The following PSG8 variants were observed in gnomAD, a reference collection of about 807,000 sequenced individuals.
PSG8 encodes pregnancy-specific beta-1-glycoprotein 8.
PSG8 carries 57 observed loss-of-function variants against 42.5 expected under a neutral mutation model. The observed-to-expected ratio is 1.34, with a 90% CI of 1.08 to 1.67. PSG8 has a LOEUF of 1.67. Among genes scored for constraint, PSG8 ranks in the 40% most tolerant of loss-of-function variants. PSG8 has a pLI of 0.00. For missense variants in PSG8, 783 were observed against 518.6 expected (o/e 1.51, Z -4.95); for synonymous variants, 280 against 196.8 (o/e 1.42, Z -3.54).
At position 42,758,067 on chromosome 19, in the gene PSG8, T is replaced by A. The variant is rs1435477209; in HGVS notation, c.644A>T (p.Tyr215Phe). Residue 215 changes from tyrosine to phenylalanine, a missense_variant, in exon 3 of 5, where the codon TAT (tyrosine) becomes TTT (phenylalanine). Tyr to Phe is a conservative substitution (Grantham distance 22, BLOSUM62 3). Coordinates refer to ENST00000306511, the MANE Select transcript of PSG8 (RefSeq NM_182707.3). ...CACTGGGTTCCGTATTTCACATTCATAGGGTCCTGCAGTGTACTTTGTGAC... is the reference window on the plus strand; with the variant it reads ...CACTGGGTTCCGTATTTCACATTCAAAGGGTCCTGCAGTGTACTTTGTGAC... ...LGVTKYTAGP[Y>F]ECEIRNPVSA... The A allele has an allele frequency of 6.2e-7, 1 of 1,613,934 alleles. No individual in the cohort carries two copies. Among genetic ancestry groups the A allele is most frequent in the Admixed American group, 1.7e-5 (1 of 59,994 alleles).
chr19:42,755,955 C>T lies in PSG8; in HGVS notation c.710-689G>A, dbSNP rs567852444. 12 of 154,220 alleles carry T rather than the reference C, an allele frequency of 7.8e-5. No homozygotes were observed. In the South Asian group the frequency reaches 2.5e-3, roughly 32 times the overall value. The allele number at this position is 154,220 out of a possible 1,614,324, so 9.6% of individuals were successfully genotyped here. Reference sequence around the variant, plus strand: ...AATGATCTAGAAAGAGTGAAGGCGACAGGCAAGAGCTGGTGGCTTTGGAGC... The same window carrying T: ...AATGATCTAGAAAGAGTGAAGGCGATAGGCAAGAGCTGGTGGCTTTGGAGC... On this transcript the variant is annotated intron_variant, in intron 3 of 4. Transcript: ENST00000306511.
intron 1 of PSG8, among the ~76,000 whole-genome samples, chr19:42,765,094 C>G (rs1970182269): frequency 1.3e-5 from 2 of 151,922 alleles, no homozygotes; most frequent in African/African-American, 4.8e-5. Flanking sequence ...CCCTGTCCCT[C>G]TCTGGTGTAT....
In PSG8 at chr19:42,757,999, C is replaced by T. The variant is rs370924021; in HGVS notation, c.709+3G>A. 86 of 1,613,864 alleles carry T rather than the reference C, an allele frequency of 5.3e-5. 1 individual carries two copies. The East Asian group carries it at 1.0e-3, about 20-fold the overall frequency. ...GGCTCACAGAGGAACAGAAAATACT[C>T]ACGGAGGAGATTCAGGGTGAATGGG... On this transcript the variant is annotated splice_donor_region_variant and intron_variant, in intron 3 of 4. Coordinates refer to ENST00000306511, the MANE Select transcript of PSG8 (RefSeq NM_182707.3).
Position 42,754,586 on chromosome 19 carries a change from A to G in PSG8, c.990T>C (p.Tyr330=), listed in dbSNP as rs1224989568. Residue 330 remains tyrosine (Y), a splice_region_variant and synonymous_variant, in exon 5 of 5, where the codon TAT becomes TAC. Transcript: ENST00000306511. ...RSYPVTLNVL[Y]GPDLPRIYPS... is the part of the protein sequence containing the mutation. ...GGTAAATTCTGGGGAGGTCTGGACC[A>G]TCTGGAGCAAAGAGAATAAAGCCAC... 1 of 1,610,760 alleles carries G rather than the reference A, an allele frequency of 6.2e-7. No homozygotes were observed. The highest frequency in any genetic ancestry group is 2.2e-5 in the East Asian group (1 of 44,826).
chr19:42,754,890 T>G (rs1355122226), intron 4 of PSG8, 98 bp downstream of exon 4: 2 of 1,565,662 alleles, frequency 1.3e-6, no homozygotes, highest in African/African-American at 2.7e-5. Context: ...GAAGTGAAGG[T>G]GTCTATACTT....
downstream of PSG8, chr19:42,754,141 T>G (rs1247753068): frequency 3.2e-5 from 45 of 1,409,306 alleles, 2 homozygotes; most frequent in Middle Eastern, 2.6e-4. Flanking sequence ...GGGAATTTTA[T>G]GAAGATATCA....
chr19:42,761,451 T>C (rs1970071078), intron 2 of PSG8, among the ~76,000 whole-genome samples: 1 of 152,190 alleles, frequency 6.6e-6, no homozygotes. Flanking sequence ...TGTAACTAAT[T>C]GCTCCTATAG....
In PSG8 at chr19:42,765,652, C is replaced by T. The variant is rs1970201016; in HGVS notation, c.-71G>A. The T allele has an allele frequency of 6.4e-7, 1 of 1,571,840 alleles. No individual in the cohort carries two copies. On this transcript the variant is annotated 5_prime_UTR_variant, in exon 1 of 5. Coordinates refer to ENST00000306511, the MANE Select transcript of PSG8 (RefSeq NM_182707.3). Reference sequence around the variant, plus strand: ...ATCCAGAAGCTTCCTGAGCACAGCTCTCAGCAGTGCTGTCCTGCCTCCTTC... The same window carrying T: ...ATCCAGAAGCTTCCTGAGCACAGCTTTCAGCAGTGCTGTCCTGCCTCCTTC...
At chr19:42,754,190 T>A (rs73547157), downstream of PSG8, 85,273 of 1,531,512 alleles carry the variant, frequency 0.056, 3,012 homozygotes, top group Admixed American at 0.12. Flanking sequence ...TAGACAAATT[T>A]GGAGGGTTTA....
At chr19:42,755,839 A>G (rs1969911094) in intron 3 of PSG8, 1 of 157,858 alleles carries the variant, frequency 6.3e-6, no homozygotes, top group Admixed American at 5.9e-5. Context: ...GTCATCAGGC[A>G]GTGGAGGCTC....
chr19:42,759,166 G>A (rs1159339848), intron 2 of PSG8, among the ~76,000 whole-genome samples: 2 of 152,058 alleles, frequency 1.3e-5, no homozygotes, highest in African/African-American at 4.8e-5. Flanking sequence ...TATGTGTTTG[G>A]TGGATATTAG....
chr19:42,761,820 ATTT>A (rs58868359), intron 2 of PSG8, among the ~76,000 whole-genome samples: 144 of 70,390 alleles, frequency 2.0e-3, no homozygotes, highest in African/African-American at 7.2e-3. Flanking sequence ...CATTTCAATA[ATTT>A]TTTTTTTTTT....
intron 2 of PSG8, among the ~76,000 whole-genome samples, chr19:42,763,254 C>T (rs1020128100): frequency 6.6e-6 from 1 of 152,170 alleles, no homozygotes; most frequent in Admixed American, 6.5e-5. Context: ...TTTCTATGGA[C>T]TGGCCTAAGC....
intron 3 of PSG8, among the ~76,000 whole-genome samples, chr19:42,756,419 A>G (rs1447289528): frequency 1.3e-5 from 2 of 152,166 alleles, no homozygotes; most frequent in African/African-American, 2.4e-5. Context: ...ACACAAATTG[A>G]GTATTTCTTA....
intron 1 of PSG8, among the ~76,000 whole-genome samples, chr19:42,765,158 T>C (rs1171548715): frequency 9.9e-6 from 1 of 100,978 alleles, no homozygotes; most frequent in Non-Finnish European, 1.8e-5. Flanking sequence ...CTTTTTTCTC[T>C]TTTTTTTTTT....
Position 42,763,648 on chromosome 19 carries a change from G to C in PSG8, c.430+268C>G, listed in dbSNP as rs959534627. 4.8e-6 allele frequency: 3 copies of C among 628,148 alleles called. No homozygotes were observed. The East Asian group carries it at 1.1e-4, about 23-fold the overall frequency. 38.9% of individuals were successfully genotyped at this position (628,148 alleles called of 1,614,324 possible). ...TTTATGAAGAGGGCATGAGGTGCTT[G>C]TCTGAGACTGATCTCCTCCTGCTGA... On this transcript the variant is annotated intron_variant, in intron 2 of 4. Transcript: ENST00000306511.
intron 1 of PSG8, 100 bp downstream of exon 1, chr19:42,765,418 C>G: frequency 1.3e-6 from 2 of 1,553,330 alleles, no homozygotes; most frequent in Non-Finnish European, 8.8e-7. Context: ...TCCCAAAGTG[C>G]TGGCTTCTTT....
chr19:42,764,258 G>T lies in PSG8; in HGVS notation c.88C>A (p.Pro30Thr), dbSNP rs370580594. Residue 30 changes from proline (P) to threonine (T), a missense_variant, in exon 2 of 5, where the codon CCA (proline) becomes ACA (threonine). Transcript: ENST00000306511. ...LTASLLNFWN[P>T]PTTAQVTIEA... ...ATCGTGACTTGGGCAGTCGTGGGTG[G>T]GTTCCAGAAGTTTAAAAGTGATGCT... is the stretch of plus-strand genomic sequence containing the variant. The T allele has an allele frequency of 5.6e-6, 9 of 1,613,316 alleles. No homozygotes were observed. Among genetic ancestry groups the T allele is most frequent in the African/African-American group, 2.7e-5 (2 of 74,812 alleles).
chr19:42,759,230 T>C (rs1970011755), intron 2 of PSG8, among the ~76,000 whole-genome samples: 1 of 152,134 alleles, frequency 6.6e-6, no homozygotes. Flanking sequence ...GACATTCTAC[T>C]CTCTGATTCT....
Sources: gnomAD v4.1 joint callset for allele counts (sites outside exome capture counted in the v4.1 genomes callset) on GRCh38, gnomAD v4.1.1 for gene constraint, MANE v1.5 for transcripts, NCBI Gene and HGNC (gene_info 2026-07-23, HGNC 2026-07-21) for gene names.